The following GAS7 variants were observed in gnomAD, a reference collection of about 807,000 sequenced individuals.
GAS7 encodes growth arrest-specific protein 7.
In GAS7, 28 loss-of-function variants were observed where a neutral mutation model predicts 71.1. That is an observed-to-expected ratio of 0.39 (90% CI 0.29 to 0.54). GAS7 has a LOEUF of 0.54. Ranked by LOEUF, GAS7 falls within the 20% of genes least tolerant of loss-of-function variation. The pLI, the probability that GAS7 is intolerant of heterozygous loss-of-function variation, is 0.62. For synonymous variants in GAS7, 258 were observed against 245.8 expected (o/e 1.05, Z -0.46); for missense variants, 436 against 627.8 (o/e 0.69, Z 3.27).
At chr17:10,070,306 C>A (rs973502744) in intron 1 of GAS7, among the ~76,000 whole-genome samples, 1 of 151,394 alleles carries the variant, frequency 6.6e-6, no homozygotes, top group Non-Finnish European at 1.5e-5. Flanking sequence ...AGCTGCCCAG[C>A]CTCCCAGCCC....
At chr17:10,058,366 T>C (rs997601551) in intron 1 of GAS7, among the ~76,000 whole-genome samples, 1 of 151,566 alleles carries the variant, frequency 6.6e-6, no homozygotes, top group African/African-American at 2.4e-5. Flanking sequence ...GGCAAGAGAA[T>C]GGCGTGAACC....
At chr17:9,996,474 T>C (rs1375985042) in intron 2 of GAS7, among the ~76,000 whole-genome samples, 1 of 150,392 alleles carries the variant, frequency 6.6e-6, no homozygotes, top group African/African-American at 2.5e-5. Flanking sequence ...TAATGTTAAA[T>C]GACGATTTAA....
In GAS7 at chr17:10,198,445, C is replaced by A; in HGVS notation, c.-55G>T. On this transcript the variant is annotated 5_prime_UTR_variant, in exon 1 of 14. Coordinates refer to ENST00000432992, the MANE Select transcript of GAS7 (RefSeq NM_201433.2). Reference sequence around the variant, plus strand: ...CTGCATTCCCGCCGAGCCCCACGGGCTGGGCAGCGGCTCCGCGGGGTCCCA... The same window carrying A: ...CTGCATTCCCGCCGAGCCCCACGGGATGGGCAGCGGCTCCGCGGGGTCCCA... 7.4e-7 allele frequency: 1 copy of A among 1,343,326 alleles called. No individual in the cohort carries two copies. 83.2% of individuals were successfully genotyped at this position (1,343,326 alleles called of 1,614,324 possible).
At chr17:10,171,905 G>A (rs915384030) in intron 1 of GAS7, among the ~76,000 whole-genome samples, 1 of 152,170 alleles carries the variant, frequency 6.6e-6, no homozygotes, top group African/African-American at 2.4e-5. Flanking sequence ...CACAGGAAAT[G>A]CCACTTAAGT....
chr17:10,020,144 A>G, intron 1 of GAS7: 1 of 409,050 alleles, frequency 2.4e-6, no homozygotes, highest in Non-Finnish European at 4.5e-6. Context: ...GCAGAGAGGA[A>G]AATGCCATTC....
chr17:9,921,042 C>T (rs2067787641), intron 11 of GAS7, among the ~76,000 whole-genome samples: 2 of 152,136 alleles, frequency 1.3e-5, no homozygotes, highest in Non-Finnish European at 2.9e-5. Flanking sequence ...GAGCCCACAC[C>T]AAGGCATTTA....
chr17:9,935,865 C>T (rs909789772), intron 8 of GAS7, among the ~76,000 whole-genome samples: 9 of 152,238 alleles, frequency 5.9e-5, no homozygotes, highest in African/African-American at 2.2e-4. Flanking sequence ...GGAAGCTGTA[C>T]TGGGGCACTC....
At chr17:10,052,467 C>A (rs1248202247) in intron 1 of GAS7, among the ~76,000 whole-genome samples, 1 of 152,148 alleles carries the variant, frequency 6.6e-6, no homozygotes, top group Non-Finnish European at 1.5e-5. Context: ...GAAGCATCTC[C>A]ACAGCAAAGA....
chr17:10,095,632 C>T (rs556926560), intron 1 of GAS7, among the ~76,000 whole-genome samples: 9 of 151,962 alleles, frequency 5.9e-5, no homozygotes, highest in South Asian at 2.1e-4. Flanking sequence ...CCATCCTGGC[C>T]AACATGGTGA....
chr17:10,194,444 C>T (rs2074525237), intron 1 of GAS7, among the ~76,000 whole-genome samples: 2 of 152,210 alleles, frequency 1.3e-5, no homozygotes, highest in African/African-American at 4.8e-5. Context: ...GGTACCATGT[C>T]TTTCTCTCCA....
chr17:10,104,882 C>T (rs1025488158), intron 1 of GAS7, among the ~76,000 whole-genome samples: 2 of 152,184 alleles, frequency 1.3e-5, no homozygotes, highest in Non-Finnish European at 2.9e-5. Context: ...TCTCACATTG[C>T]AGCCAGAGGG....
chr17:10,017,302 G>C (rs1242717749), intron 2 of GAS7, among the ~76,000 whole-genome samples: 1 of 151,488 alleles, frequency 6.6e-6, no homozygotes, highest in East Asian at 1.9e-4. Flanking sequence ...CAGTGAACTT[G>C]CCAACGAAAA....
At chr17:10,046,512 C>G (rs1282001067) in intron 1 of GAS7, among the ~76,000 whole-genome samples, 1 of 151,554 alleles carries the variant, frequency 6.6e-6, no homozygotes, top group Non-Finnish European at 1.5e-5. Flanking sequence ...CCTCGGCGGG[C>G]AGATCATGAG....
At chr17:10,185,700 C>T (rs1222893670) in intron 1 of GAS7, among the ~76,000 whole-genome samples, 1 of 152,160 alleles carries the variant, frequency 6.6e-6, no homozygotes, top group Non-Finnish European at 1.5e-5. Flanking sequence ...TGGGACTGCG[C>T]TCTCAGCCTG....
intron 4 of GAS7, among the ~76,000 whole-genome samples, chr17:9,961,137 AG>A (rs1453591718): frequency 6.6e-6 from 1 of 152,178 alleles, no homozygotes; most frequent in Non-Finnish European, 1.5e-5. Context: ...GGTTTCACTG[AG>A]GTACCTCTAC....
chr17:10,035,802 C>T (rs2072734611), intron 1 of GAS7, among the ~76,000 whole-genome samples: 1 of 152,194 alleles, frequency 6.6e-6, no homozygotes, highest in South Asian at 2.1e-4. Context: ...ATCACTGTTG[C>T]AGCCTCCACC....
chr17:10,061,703 T>C (rs1235292415), intron 1 of GAS7, among the ~76,000 whole-genome samples: 1 of 152,098 alleles, frequency 6.6e-6, no homozygotes, highest in African/African-American at 2.4e-5. Context: ...GGGGAAGCTG[T>C]AGGAAGGGGC....
chr17:10,070,751 A>T (rs1392966116), intron 1 of GAS7, among the ~76,000 whole-genome samples: 1 of 151,944 alleles, frequency 6.6e-6, no homozygotes, highest in African/African-American at 2.4e-5. Flanking sequence ...GCCAGCAAAG[A>T]TGCCGTCCCT....
At chr17:10,125,763 C>T (rs1054692355) in intron 1 of GAS7, among the ~76,000 whole-genome samples, 3 of 151,882 alleles carry the variant, frequency 2.0e-5, no homozygotes, top group Admixed American at 6.6e-5. Flanking sequence ...TCTTGTTTAG[C>T]CTTCCTCTGG....
Sources: allele counts gnomAD v4.1 joint callset (sites outside exome capture counted in the v4.1 genomes callset), GRCh38; gene constraint gnomAD v4.1.1; transcripts MANE v1.5; gene names NCBI Gene and HGNC (gene_info 2026-07-23, HGNC 2026-07-21).